Variants in DRC8 observed in about 807,000 individuals in gnomAD.
The protein encoded by DRC8 is dynein regulatory complex subunit 8.
chr1:245,106,986 G>A, the DRC8 span, among the ~76,000 whole-genome samples: 1 of 152,252 alleles, frequency 6.6e-6, no homozygotes, highest in Non-Finnish European at 1.5e-5. Context: ...GGAGGTTGCA[G>A]TGAGCCAAGA....
At chr1:245,092,719 G>A in the DRC8 span, among the ~76,000 whole-genome samples, 4 of 152,142 alleles carry the variant, frequency 2.6e-5, no homozygotes, top group African/African-American at 9.7e-5. Context: ...ACTACCTGGG[G>A]CTCTGATATT....
At chr1:245,022,714 C>CGT in the DRC8 span, among the ~76,000 whole-genome samples, 1 of 151,930 alleles carries the variant, frequency 6.6e-6, no homozygotes, top group Non-Finnish European at 1.5e-5. Flanking sequence ...TGTGCATGTG[C>CGT]GTGTGCGTGT....
chr1:245,026,584 CA>C, the DRC8 span, among the ~76,000 whole-genome samples: 2 of 152,122 alleles, frequency 1.3e-5, no homozygotes, highest in East Asian at 3.8e-4. Flanking sequence ...TGCATTTGTG[CA>C]ATGGAAAAAC....
chr1:244,982,401 A>G, the DRC8 span, among the ~76,000 whole-genome samples: 1 of 152,252 alleles, frequency 6.6e-6, no homozygotes, highest in African/African-American at 2.4e-5. Context: ...TTGGTGACGC[A>G]TGCCTGTAAT....
chr1:244,972,310 C>T, the DRC8 span, among the ~76,000 whole-genome samples: 7 of 152,102 alleles, frequency 4.6e-5, 1 homozygote, highest in Admixed American at 4.6e-4. Flanking sequence ...AAGACATTGT[C>T]TTTGCTTCCA....
At chr1:245,064,536 A>G in the DRC8 span, among the ~76,000 whole-genome samples, 3 of 152,170 alleles carry the variant, frequency 2.0e-5, no homozygotes, top group Non-Finnish European at 4.4e-5. Context: ...TTCTATCCCA[A>G]GTTTTCCTCT....
chr1:245,044,449 G>T, the DRC8 span, among the ~76,000 whole-genome samples: 3 of 151,778 alleles, frequency 2.0e-5, no homozygotes, highest in Non-Finnish European at 4.4e-5. Context: ...TTTAAAAAAC[G>T]ATTTTAATTT....
At chr1:245,042,286 T>G in the DRC8 span, among the ~76,000 whole-genome samples, 2 of 151,980 alleles carry the variant, frequency 1.3e-5, no homozygotes, top group Non-Finnish European at 2.9e-5. Flanking sequence ...AGATCCAGAG[T>G]TTTTTAGGGG....
the DRC8 span, among the ~76,000 whole-genome samples, chr1:245,041,011 A>T: frequency 6.6e-6 from 1 of 152,258 alleles, no homozygotes; most frequent in Non-Finnish European, 1.5e-5. Context: ...AAAATGTGCT[A>T]TAAAGAAAAT....
chr1:245,116,031 T>A, the DRC8 span, among the ~76,000 whole-genome samples: 2 of 151,862 alleles, frequency 1.3e-5, no homozygotes, highest in Non-Finnish European at 2.9e-5. Flanking sequence ...GGATTACAGG[T>A]ACCATCGCCA....
the DRC8 span, among the ~76,000 whole-genome samples, chr1:244,993,406 T>C: frequency 1.3e-5 from 2 of 152,176 alleles, no homozygotes; most frequent in Non-Finnish European, 1.5e-5. Flanking sequence ...CAGAATATCA[T>C]ATCTAAATCA....
the DRC8 span, among the ~76,000 whole-genome samples, chr1:245,107,714 G>A: frequency 1.3e-5 from 2 of 152,102 alleles, no homozygotes; most frequent in African/African-American, 4.8e-5. Context: ...GGCAATCACA[G>A]CCCCCTGTGC....
the DRC8 span, among the ~76,000 whole-genome samples, chr1:245,108,248 C>T: frequency 6.6e-6 from 1 of 152,190 alleles, no homozygotes; most frequent in African/African-American, 2.4e-5. Flanking sequence ...TGCAGTCTCA[C>T]TCTGTCTCCA....
the DRC8 span, among the ~76,000 whole-genome samples, chr1:245,060,771 A>C: frequency 6.6e-6 from 1 of 152,272 alleles, no homozygotes; most frequent in Non-Finnish European, 1.5e-5. Flanking sequence ...TCCGAAGGTC[A>C]GAAAAGGAGG....
At chr1:245,090,834 T>G in the DRC8 span, among the ~76,000 whole-genome samples, 2 of 152,042 alleles carry the variant, frequency 1.3e-5, no homozygotes, top group Non-Finnish European at 2.9e-5. Context: ...TATTAATAGG[T>G]CTCCTTTGTA....
the DRC8 span, among the ~76,000 whole-genome samples, chr1:245,007,552 A>C: frequency 1.3e-5 from 2 of 152,206 alleles, no homozygotes; most frequent in Non-Finnish European, 2.9e-5. Flanking sequence ...ATTGACTTAG[A>C]GACAGACAGA....
At chr1:244,971,144 C>T in the DRC8 span, 1 of 152,456 alleles carries the variant, frequency 6.6e-6, no homozygotes, top group Non-Finnish European at 1.5e-5. Flanking sequence ...GCTTCCCGGT[C>T]CTCCGAAATG....
At chr1:244,979,549 G>T in the DRC8 span, among the ~76,000 whole-genome samples, 1 of 151,480 alleles carries the variant, frequency 6.6e-6, no homozygotes, top group African/African-American at 2.4e-5. Flanking sequence ...CAAATGATCC[G>T]CCTGCCTTGG....
At chr1:244,993,922 A>G in the DRC8 span, among the ~76,000 whole-genome samples, 1 of 151,442 alleles carries the variant, frequency 6.6e-6, no homozygotes, top group Non-Finnish European at 1.5e-5. Context: ...TTCAGTTTCC[A>G]ACACACGAAC....
Sources: allele counts gnomAD v4.1 joint callset (sites outside exome capture counted in the v4.1 genomes callset), GRCh38; gene constraint gnomAD v4.1.1; transcripts MANE v1.5; gene names NCBI Gene and HGNC (gene_info 2026-07-23, HGNC 2026-07-21).